The following ZNF366 variants were observed in gnomAD, a reference collection of about 807,000 sequenced individuals.
ZNF366 encodes the protein zinc finger protein 366, also known as dendritic cell-specific transcript protein.
In ZNF366, 20 loss-of-function variants were observed where a neutral mutation model predicts 47.2. That is an observed-to-expected ratio of 0.42 (90% CI 0.30 to 0.62). The LOEUF is 0.62. ZNF366 is among the 20% of genes least tolerant of loss of function. The pLI is 0.16. For synonymous variants in ZNF366, 421 were observed against 395.1 expected (o/e 1.07, Z -0.78); for missense variants, 987 against 976.3 (o/e 1.01, Z -0.15).
chr5:72,455,536 G>A (rs1021844074), intron 3 of ZNF366, among the ~76,000 whole-genome samples: 8 of 152,132 alleles, frequency 5.3e-5, no homozygotes, highest in Admixed American at 1.3e-4. Flanking sequence ...TACATCACTC[G>A]GATTAAACCC....
At chr5:72,490,647 T>C (rs1743989799) in intron 1 of ZNF366, among the ~76,000 whole-genome samples, 1 of 152,150 alleles carries the variant, frequency 6.6e-6, no homozygotes, top group Non-Finnish European at 1.5e-5. Context: ...GGCAATGGCA[T>C]TGCTATTTGG....
intron 3 of ZNF366, among the ~76,000 whole-genome samples, chr5:72,449,002 C>G (rs1743010657): frequency 6.6e-6 from 1 of 152,156 alleles, no homozygotes; most frequent in African/African-American, 2.4e-5. Context: ...AGCATCCAGA[C>G]AGAGCACCTG....
intron 1 of ZNF366, among the ~76,000 whole-genome samples, chr5:72,499,923 C>T (rs981346731): frequency 2.0e-5 from 3 of 152,192 alleles, no homozygotes; most frequent in Non-Finnish European, 4.4e-5. Flanking sequence ...GATTCCGGTC[C>T]TCTCCCTCGC....
At chr5:72,479,256 C>CTGAT (rs1743734885) in intron 1 of ZNF366, among the ~76,000 whole-genome samples, 1 of 151,996 alleles carries the variant, frequency 6.6e-6, no homozygotes, top group African/African-American at 2.4e-5. Context: ...GTTGAATAGC[C>CTGAT]TGATTGTACA....
intron 1 of ZNF366, among the ~76,000 whole-genome samples, chr5:72,503,533 ACAC>A (rs1744257278): frequency 1.1e-5 from 1 of 93,832 alleles, no homozygotes; most frequent in South Asian, 4.4e-4. Flanking sequence ...ATTCTAATAC[ACAC>A]ACACACACAC....
intron 1 of ZNF366, among the ~76,000 whole-genome samples, chr5:72,489,528 C>T (rs1743964649): frequency 6.6e-6 from 1 of 152,200 alleles, no homozygotes; most frequent in Non-Finnish European, 1.5e-5. Context: ...ATGTGCATGG[C>T]ACATGGCAAG....
At chr5:72,498,028 G>C (rs1406722672) in intron 1 of ZNF366, among the ~76,000 whole-genome samples, 1 of 151,732 alleles carries the variant, frequency 6.6e-6, no homozygotes, top group Non-Finnish European at 1.5e-5. Context: ...TGTTTATTGA[G>C]TTTTGGCCCT....
chr5:72,495,804 G>A (rs1021774683), intron 1 of ZNF366, among the ~76,000 whole-genome samples: 5 of 152,086 alleles, frequency 3.3e-5, no homozygotes, highest in African/African-American at 1.2e-4. Context: ...AAAAGAGCTG[G>A]TATGGCTGAC....
chr5:72,467,537 T>G lies in ZNF366; in HGVS notation c.-14-6027A>C, dbSNP rs146335493. ...AATATAAATATTCCCCAGATAAAAT[T>G]ACTGGTATTTTGTGGTTCGCATTCA... On this transcript the variant is annotated intron_variant, in intron 1 of 4. Coordinates refer to ENST00000318442, the MANE Select transcript of ZNF366 (RefSeq NM_152625.3). 2.0e-5 allele frequency among the ~76,000 whole-genome samples: 3 copies of G among 152,316 alleles called. No homozygotes were observed. The East Asian group carries it at 5.8e-4, about 29-fold the overall frequency.
chr5:72,499,745 G>A (rs1317325959), intron 1 of ZNF366, among the ~76,000 whole-genome samples: 1 of 152,132 alleles, frequency 6.6e-6, no homozygotes, highest in Non-Finnish European at 1.5e-5. Flanking sequence ...ACAAGTGGTG[G>A]ACACTATGGA....
intron 1 of ZNF366, among the ~76,000 whole-genome samples, chr5:72,485,249 A>G (rs1743870749): frequency 4.6e-5 from 7 of 152,012 alleles, no homozygotes. Flanking sequence ...TTAATGTCTG[A>G]CTCTCTCCAT....
intron 1 of ZNF366, among the ~76,000 whole-genome samples, chr5:72,482,105 C>T (rs567848937): frequency 1.3e-5 from 2 of 152,302 alleles, no homozygotes; most frequent in Admixed American, 1.3e-4. Context: ...TGCACTGTTT[C>T]ATCAGTCCAT....
chr5:72,451,039 G>A (rs1743059174), intron 3 of ZNF366, among the ~76,000 whole-genome samples: 1 of 152,232 alleles, frequency 6.6e-6, no homozygotes, highest in Non-Finnish European at 1.5e-5. Flanking sequence ...GAGAAAAGCA[G>A]CCATTGAAGT....
At chr5:72,451,159 T>C (rs1743062096) in intron 3 of ZNF366, among the ~76,000 whole-genome samples, 1 of 152,356 alleles carries the variant, frequency 6.6e-6, no homozygotes, top group East Asian at 1.9e-4. Flanking sequence ...GGATGTTGGT[T>C]CAGGAAGCCG....
At chr5:72,489,878 A>G (rs1398239140) in intron 1 of ZNF366, among the ~76,000 whole-genome samples, 1 of 152,200 alleles carries the variant, frequency 6.6e-6, no homozygotes, top group African/African-American at 2.4e-5. Flanking sequence ...ACCACAGATA[A>G]TGCTCCACAA....
intron 1 of ZNF366, among the ~76,000 whole-genome samples, chr5:72,485,681 T>A (rs114677063): frequency 2.1e-3 from 315 of 152,306 alleles, no homozygotes; most frequent in African/African-American, 7.3e-3. Flanking sequence ...GATCTTGTTA[T>A]TCCCCTGCTC....
rs376360875 is a variant in ZNF366 at position 72,461,067 on chromosome 5, G to A, written c.430C>T (p.His144Tyr). 2 of 1,614,156 alleles carry A rather than the reference G, an allele frequency of 1.2e-6. No individual in the cohort carries two copies. The highest frequency in any genetic ancestry group is 2.2e-5 in the South Asian group (2 of 91,072). Residue 144 changes from histidine to tyrosine, a missense_variant, in exon 2 of 5, where the codon CAC (histidine) becomes TAC (tyrosine). Transcript: ENST00000318442. Reference protein sequence around the residue: ...VGFQFYRSLEHFGGKPVKQEP... With the variant: ...VGFQFYRSLEYFGGKPVKQEP... Reference sequence around the variant, plus strand: ...TGCTTGACGGGCTTGCCCCCAAAGTGTTCCAGGCTGCGGTAGAATTGGAAG... The same window carrying A: ...TGCTTGACGGGCTTGCCCCCAAAGTATTCCAGGCTGCGGTAGAATTGGAAG...
intron 1 of ZNF366, among the ~76,000 whole-genome samples, chr5:72,502,849 C>T (rs182998542): frequency 1.5e-3 from 221 of 152,290 alleles, no homozygotes; most frequent in African/African-American, 5.1e-3. Flanking sequence ...TTCCACCGGG[C>T]GCAGTAGCTC....
chr5:72,491,223 C>T (rs897338642), intron 1 of ZNF366, among the ~76,000 whole-genome samples: 8 of 152,186 alleles, frequency 5.3e-5, no homozygotes, highest in African/African-American at 1.4e-4. Flanking sequence ...AAGGGGTGTA[C>T]GTGGCCAAAG....
Sources: allele counts gnomAD v4.1 joint callset (sites outside exome capture counted in the v4.1 genomes callset), GRCh38; gene constraint gnomAD v4.1.1; transcripts MANE v1.5; gene names NCBI Gene and HGNC (gene_info 2026-07-23, HGNC 2026-07-21).